Variants in SQOR observed in about 807,000 individuals in gnomAD.
SQOR encodes the protein sulfide:quinone oxidoreductase, mitochondrial.
A neutral mutation model predicts 48.6 loss-of-function variants in SQOR; 39 were observed. The ratio of observed to expected loss-of-function variants is 0.80; its 90% CI spans 0.62 to 1.05. SQOR has a LOEUF of 1.05. Among genes scored for constraint, SQOR ranks in the 50% least tolerant of loss-of-function variants. The probability of loss-of-function intolerance (pLI) is 0.00; values close to 1 mark genes in which losing one functional copy is unlikely to be tolerated. For missense variants in SQOR, 561 were observed against 559.9 expected, an observed-to-expected ratio of 1.00 and a Z score of -0.02; for synonymous variants, 220 against 206.2, an observed-to-expected ratio of 1.07 and a Z score of -0.57.
At chr15:45,654,036 C>T (rs752638550) in intron 1 of SQOR, among the ~76,000 whole-genome samples, 2 of 150,912 alleles carry the variant, frequency 1.3e-5, no homozygotes, top group Non-Finnish European at 2.9e-5. Flanking sequence ...ATGGGGAAAT[C>T]GCTTGAACTC....
At position 45,688,367 on chromosome 15, in the gene SQOR, T is replaced by A. The variant is rs1195252303; in HGVS notation, c.1079T>A (p.Ile360Asn). The A allele has an allele frequency of 1.2e-6, 2 of 1,607,938 alleles. No individual in the cohort carries two copies. The highest frequency in any genetic ancestry group is 2.7e-5 in the African/African-American group (2 of 74,574). The change falls in exon 8 of 10, where the codon ATT becomes AAT. Residue 360 changes from isoleucine (I) to asparagine (N), a missense_variant. By Grantham distance (149) the Ile-to-Asn change is moderately radical. Transcript: ENST00000260324. Reference sequence around the variant, plus strand: ...CAGTCAGGAATACTTGATAGGACAATTTCTGTAATTATGAAGAATCAAACA... The same window carrying A: ...CAGTCAGGAATACTTGATAGGACAAATTCTGTAATTATGAAGAATCAAACA... ...AAQSGILDRT[I>N]SVIMKNQTPT...
At chr15:45,661,003 T>C (rs918441323) in intron 2 of SQOR, among the ~76,000 whole-genome samples, 3 of 152,072 alleles carry the variant, frequency 2.0e-5, no homozygotes, top group Non-Finnish European at 4.4e-5. Flanking sequence ...GGACTGTTGC[T>C]GGGCACAGTG....
upstream of SQOR, among the ~76,000 whole-genome samples, chr15:45,633,139 A>C (rs1258161197): frequency 6.6e-6 from 1 of 150,378 alleles, no homozygotes; most frequent in African/African-American, 2.4e-5. Flanking sequence ...AAAAAAAAAA[A>C]CCCAAAAAAC....
chr15:45,640,606 C>T (rs1232988214), intron 1 of SQOR, among the ~76,000 whole-genome samples: 1 of 152,110 alleles, frequency 6.6e-6, no homozygotes, highest in East Asian at 1.9e-4. Context: ...AGAGTGTTTT[C>T]TCATTATGGT....
intron 3 of SQOR, 68 bp from the exon 4 acceptor site, chr15:45,669,860 G>T: frequency 7.4e-7 from 1 of 1,346,692 alleles, no homozygotes. Flanking sequence ...CACATCTGGG[G>T]CCTGAGTCAG....
At chr15:45,666,243 C>G (rs756954297) in intron 3 of SQOR, among the ~76,000 whole-genome samples, 4 of 152,212 alleles carry the variant, frequency 2.6e-5, no homozygotes, top group Non-Finnish European at 4.4e-5. Context: ...ACTTCCCAGA[C>G]TAGGTCAGGT....
intron 6 of SQOR, among the ~76,000 whole-genome samples, chr15:45,678,115 T>A (rs76158256): frequency 1.1e-3 from 175 of 152,344 alleles, no homozygotes; most frequent in African/African-American, 4.2e-3. Flanking sequence ...GATGTTAATT[T>A]TGATCAGCAG....
rs143200108 is a variant in SQOR, at chr15:45,661,942, C to G, written c.235-13C>G. ...TCAAATTGCAATAAATCTTCAAATA[C>G]TTTGTTTCTCAGAGACATTTCTACC... On this transcript the variant is annotated splice_polypyrimidine_tract_variant and intron_variant, in intron 2 of 9. Transcript: ENST00000260324. The G allele has an allele frequency of 5.4e-5, 87 of 1,612,058 alleles. No individual in the cohort carries two copies. The highest frequency in any genetic ancestry group is 7.1e-5 in the Non-Finnish European group (84 of 1,178,852).
At position 45,650,546 on chromosome 15, in the gene SQOR, CCACAACA is replaced by C. The variant is rs373867878; in HGVS notation, c.-17-8359_-17-8353del. On this transcript the variant is annotated intron_variant, in intron 1 of 9. Transcript: ENST00000260324. ...GGCAAAGAGCAAAAGAAGAAAGCAT[CCACAACA>C]CGAAAGAGGACCAGAAAGGACTGCC... is the stretch of plus-strand genomic sequence containing the variant. Among the ~76,000 whole-genome samples, 1,034 of 152,274 alleles carry C rather than the reference CCACAACA, an allele frequency of 6.8e-3. 13 individuals are homozygous for C. Among genetic ancestry groups the C allele is most frequent in the African/African-American group, 0.023 (940 of 41,546 alleles).
chr15:45,649,839 G>A (rs556908144), intron 1 of SQOR, among the ~76,000 whole-genome samples: 3 of 151,584 alleles, frequency 2.0e-5, no homozygotes, highest in Non-Finnish European at 4.4e-5. Context: ...TATGGGCAAT[G>A]CTTTTTGTTG....
chr15:45,691,195 A>T lies in SQOR; in HGVS notation c.*165A>T. 1 of 647,458 alleles carries T rather than the reference A, an allele frequency of 1.5e-6. No individual in the cohort carries two copies. The highest frequency in any genetic ancestry group is 1.9e-5 in the South Asian group (1 of 53,578). 40.1% of individuals were successfully genotyped at this position (647,458 alleles called of 1,614,324 possible). A position where few individuals can be genotyped will look rare whatever the true frequency, so the allele number is the denominator to read the frequency against. On this transcript the variant is annotated 3_prime_UTR_variant, in exon 10 of 10. Transcript: ENST00000260324. ...TTTTCAGTACCTTTGAACAGCAACC[A>T]TGTGGGCTACTCATGATGGGCTTGA...
chr15:45,634,454 G>T (rs1287952969), upstream of SQOR, among the ~76,000 whole-genome samples: 1 of 151,888 alleles, frequency 6.6e-6, no homozygotes, highest in African/African-American at 2.4e-5. Context: ...GTCCAGTCAT[G>T]AATATGGGAT....
At chr15:45,658,653 A>G (rs677012) in intron 1 of SQOR, among the ~76,000 whole-genome samples, 101,567 of 151,974 alleles carry the variant, frequency 0.67, 34,054 homozygotes, top group Admixed American at 0.75. Context: ...GGGGAACCTG[A>G]TTCAAACAAA....
chr15:45,672,469 A>T (rs930495898), intron 4 of SQOR, among the ~76,000 whole-genome samples: 1 of 152,204 alleles, frequency 6.6e-6, no homozygotes, highest in African/African-American at 2.4e-5. Context: ...ATTGAGTGTG[A>T]TAAGTAATGA....
At chr15:45,670,485 C>T (rs1285971748) in intron 4 of SQOR, among the ~76,000 whole-genome samples, 1 of 152,174 alleles carries the variant, frequency 6.6e-6, no homozygotes, top group Non-Finnish European at 1.5e-5. Context: ...AGAAGTTCCT[C>T]AGATCCCCGT....
chr15:45,689,607 G>A (rs958365449), intron 9 of SQOR, among the ~76,000 whole-genome samples: 5 of 151,618 alleles, frequency 3.3e-5, no homozygotes, highest in African/African-American at 7.3e-5. Context: ...TAGTAGAGAC[G>A]GGTCTCTACT....
chr15:45,667,851 G>A (rs1448208881), intron 3 of SQOR, among the ~76,000 whole-genome samples: 1 of 151,694 alleles, frequency 6.6e-6, no homozygotes, highest in Non-Finnish European at 1.5e-5. Context: ...TGCTCAACAT[G>A]GTTTGGCCGG....
rs374794265 is a variant in SQOR at position 45,673,797 on chromosome 15, G to C, written c.650G>C (p.Arg217Thr). 6.2e-7 allele frequency: 1 copy of C among 1,613,898 alleles called. No homozygotes were observed. Among genetic ancestry groups the C allele is most frequent in the Non-Finnish European group, 8.5e-7 (1 of 1,179,980 alleles). ...KIMYLSEAYF[R>T]KTGKRSKANI... The stretch of plus-strand genomic sequence containing the variant: ...ATGTACTTATCAGAAGCCTACTTCA[G>C]GAAGGTATGCTTCCTTTCTGGGGAC... The change falls in exon 5 of 10, where the codon AGG becomes ACG. Residue 217 changes from arginine to threonine, a missense_variant. By Grantham distance (71) the Arg-to-Thr change is moderately conservative. Transcript: ENST00000260324.
At chr15:45,683,379 A>G (rs1284640406) in intron 7 of SQOR, among the ~76,000 whole-genome samples, 2 of 152,320 alleles carry the variant, frequency 1.3e-5, no homozygotes, top group East Asian at 3.9e-4. Context: ...AGACCAGAAA[A>G]TTGTCCTGTT....
Sources: allele counts gnomAD v4.1 joint callset (sites outside exome capture counted in the v4.1 genomes callset), GRCh38; gene constraint gnomAD v4.1.1; transcripts MANE v1.5; gene names NCBI Gene and HGNC (gene_info 2026-07-23, HGNC 2026-07-21).